Variants in CRISPLD1 observed in about 807,000 individuals in gnomAD.
CRISPLD1 encodes cysteine-rich secretory protein LCCL domain-containing 1.
Under a neutral mutation model 77.5 loss-of-function variants are expected in CRISPLD1, and 60 were observed. The observed-to-expected ratio is 0.77, with a 90% CI of 0.63 to 0.96. The LOEUF is 0.96. Ranked by LOEUF, CRISPLD1 falls within the 40% of genes least tolerant of loss-of-function variation. CRISPLD1 has a pLI of 0.00. For missense variants in CRISPLD1, 623 were observed against 615.8 expected (o/e 1.01, Z -0.12); for synonymous variants, 195 against 200.1 (o/e 0.97, Z 0.22).
chr8:75,030,642 C>T (rs1298275763), intron 14 of CRISPLD1, among the ~76,000 whole-genome samples: 5 of 151,468 alleles, frequency 3.3e-5, no homozygotes, highest in East Asian at 1.9e-4. Context: ...AGCTCAGCTT[C>T]GACAGCCCTG....
intron 6 of CRISPLD1, among the ~76,000 whole-genome samples, chr8:75,015,383 G>C (rs1472734733): frequency 6.6e-6 from 1 of 151,974 alleles, no homozygotes; most frequent in East Asian, 1.9e-4. Flanking sequence ...TATTCAATTT[G>C]TCATGCTAAA....
chr8:75,018,483 G>T (rs2128786636), intron 10 of CRISPLD1, among the ~76,000 whole-genome samples: 1 of 151,926 alleles, frequency 6.6e-6, no homozygotes, highest in East Asian at 1.9e-4. Flanking sequence ...TAGAGACGAG[G>T]TTTCACCATG....
intron 2 of CRISPLD1, among the ~76,000 whole-genome samples, chr8:74,989,927 A>G (rs1452202056): frequency 6.6e-6 from 1 of 152,186 alleles, no homozygotes; most frequent in African/African-American, 2.4e-5. Flanking sequence ...CTCAGCCATA[A>G]AAAAGAATGA....
rs759989653 is a variant in CRISPLD1 at position 75,014,847 on chromosome 8, G to T, written c.662G>T (p.Gly221Val). Residue 221 changes from glycine to valine, a missense_variant, in exon 6 of 15, where the codon GGG becomes GTG. Physicochemically the swap from Gly to Val is moderately radical, Grantham distance 109. Coordinates refer to ENST00000262207, the MANE Select transcript of CRISPLD1 (RefSeq NM_031461.6). ...TGGGGCCATGCCCCTTACAAACATG[G>T]GCGGCCCTGTTCTGCTTGCCCACCT... is the stretch of plus-strand genomic sequence containing the variant. ...NWWGHAPYKH[G>V]RPCSACPPSF... 6.3e-7 allele frequency: 1 copy of T among 1,589,492 alleles called. No individual in the cohort carries two copies. The highest frequency in any genetic ancestry group is 1.1e-5 in the South Asian group (1 of 87,622).
rs368258595 is a variant in CRISPLD1 at position 74,998,685 on chromosome 8, C to CAAAAAAAA, written c.258+12456_258+12463dup. Among the ~76,000 whole-genome samples the CAAAAAAAA allele has an allele frequency of 8.3e-4, 42 of 50,892 alleles. 1 individual carries two copies. Among genetic ancestry groups the CAAAAAAAA allele is most frequent in the Non-Finnish European group, 1.1e-3 (30 of 26,792 alleles). The allele number at this position is 50,892 out of a possible 152,430, so 33.4% of individuals were successfully genotyped here. On this transcript the variant is annotated intron_variant, in intron 2 of 14. Coordinates refer to ENST00000262207, the MANE Select transcript of CRISPLD1 (RefSeq NM_031461.6). ...CCTGGGCAACAGAGAGACTCCATCT[C>CAAAAAAAA]AAAAAAAAAAAAAAAAAAAAAAAGT...
chr8:75,013,201 CAAA>C (rs909419520), intron 4 of CRISPLD1, among the ~76,000 whole-genome samples, 179 bp downstream of exon 4: 6 of 151,892 alleles, frequency 4.0e-5, no homozygotes, highest in Non-Finnish European at 7.4e-5. Flanking sequence ...AATTATCACA[CAAA>C]AAAGTCCAAA....
At chr8:75,021,982 G>T (rs1813143696) in intron 12 of CRISPLD1, among the ~76,000 whole-genome samples, 1 of 152,120 alleles carries the variant, frequency 6.6e-6, no homozygotes, top group African/African-American at 2.4e-5. Flanking sequence ...CTCACTAGTA[G>T]ATGCTCAATA....
rs1230607070 is a variant in CRISPLD1, at chr8:74,984,560, G to A, written c.-423G>A. 6.6e-6 allele frequency: 1 copy of A among 152,424 alleles called. No individual in the cohort carries two copies. Among genetic ancestry groups the A allele is most frequent in the Non-Finnish European group, 1.5e-5 (1 of 68,292 alleles). The allele number at this position is 152,424 out of a possible 1,614,324, so 9.4% of individuals were successfully genotyped here. A position where few individuals can be genotyped will look rare whatever the true frequency, so the allele number is the denominator to read the frequency against. On this transcript the variant is annotated 5_prime_UTR_variant, in exon 1 of 15. Coordinates refer to ENST00000262207, the MANE Select transcript of CRISPLD1 (RefSeq NM_031461.6). ...CTGGCTGTACGGAGCAGGAGCAAGA[G>A]GTCGCCGCCAGCCTCCGCCGCCGAG...
rs1396922250 is a variant in CRISPLD1, at chr8:75,032,332, A to T, written c.*90A>T. On this transcript the variant is annotated 3_prime_UTR_variant, in exon 15 of 15. Coordinates refer to ENST00000262207, the MANE Select transcript of CRISPLD1 (RefSeq NM_031461.6). ...AAACTGTAACATTACTGTACAGAGT[A>T]CATCAACTATTTTCAGCCCAAAAAG... The T allele has an allele frequency of 1.4e-5, 13 of 912,914 alleles. No individual in the cohort carries two copies. In the South Asian group the frequency reaches 1.9e-4, roughly 14 times the overall value. The allele number at this position is 912,914 out of a possible 1,614,324, so 56.6% of individuals were successfully genotyped here.
chr8:75,015,039 A>C, intron 6 of CRISPLD1, 127 bp downstream of exon 6: 1 of 466,680 alleles, frequency 2.1e-6, no homozygotes. Flanking sequence ...ACTCTATTTC[A>C]AATATTTTGA....
At chr8:75,032,104 G>A (rs1030924568) in intron 14 of CRISPLD1, 87 bp from the exon 15 acceptor site, 96 of 882,378 alleles carry the variant, frequency 1.1e-4, no homozygotes, top group Non-Finnish European at 1.6e-4. Context: ...CTGCTTTCTT[G>A]ACTGTCATAA....
chr8:75,020,970 T>G (rs1237127518), intron 12 of CRISPLD1, among the ~76,000 whole-genome samples: 1 of 152,156 alleles, frequency 6.6e-6, no homozygotes, highest in Non-Finnish European at 1.5e-5. Flanking sequence ...CCATAATCAG[T>G]AGCTAGGAAA....
intron 2 of CRISPLD1, among the ~76,000 whole-genome samples, chr8:74,998,427 CG>C (rs1812678540): frequency 6.6e-6 from 1 of 152,026 alleles, no homozygotes; most frequent in African/African-American, 2.4e-5. Flanking sequence ...GCTCATACCA[CG>C]GCCGGTAATA....
intron 10 of CRISPLD1, among the ~76,000 whole-genome samples, chr8:75,017,997 AACACTGT>A (rs1563400573): frequency 6.6e-6 from 1 of 152,160 alleles, no homozygotes; most frequent in Non-Finnish European, 1.5e-5. Context: ...CTTATTCGAA[AACACTGT>A]ACATTTTTAC....
chr8:75,025,765 A>G (rs1329917774), intron 13 of CRISPLD1, 144 bp downstream of exon 13: 11 of 372,390 alleles, frequency 3.0e-5, no homozygotes, highest in South Asian at 7.5e-5. Context: ...TTAAACATCC[A>G]TATCACTGAA....
intron 2 of CRISPLD1, among the ~76,000 whole-genome samples, chr8:74,986,810 C>T (rs991845695): frequency 3.9e-5 from 6 of 152,080 alleles, no homozygotes; most frequent in African/African-American, 1.2e-4. Flanking sequence ...TGAAAATAAG[C>T]CTTGGCAAAG....
chr8:75,020,063 G>GCTTC lies in CRISPLD1; in HGVS notation c.1229_1232dup (p.His412PhefsTer11). On this transcript the variant is annotated frameshift_variant, in exon 12 of 15. Coordinates refer to ENST00000262207, the MANE Select transcript of CRISPLD1 (RefSeq NM_031461.6). LOFTEE classifies it high-confidence loss of function. Reference sequence around the variant, plus strand: ...ACAGCTCTGTCCATTTCATAAGCCTGCTTCACATTGCCCAAGGTAAACCAG... The same window carrying GCTTC: ...ACAGCTCTGTCCATTTCATAAGCCTGCTTCCTTCACATTGCCCAAGGTAAACCAG... 6.2e-7 allele frequency: 1 copy of GCTTC among 1,614,028 alleles called. No individual in the cohort carries two copies. The highest frequency in any genetic ancestry group is 8.5e-7 in the Non-Finnish European group (1 of 1,179,920).
At chr8:75,029,231 C>A in intron 13 of CRISPLD1, 156 bp from the exon 14 acceptor site, 1 of 762,624 alleles carries the variant, frequency 1.3e-6, no homozygotes, top group Non-Finnish European at 2.0e-6. Context: ...ACGTTTCAAA[C>A]ACTCTTTTAT....
intron 2 of CRISPLD1, among the ~76,000 whole-genome samples, chr8:75,005,166 A>G (rs1248677409): frequency 2.6e-5 from 4 of 152,046 alleles, no homozygotes; most frequent in African/African-American, 9.7e-5. Flanking sequence ...TGTCATTTTA[A>G]TTGTCATCAG....
Sources: gnomAD v4.1 joint callset for allele counts (sites outside exome capture counted in the v4.1 genomes callset) on GRCh38, gnomAD v4.1.1 for gene constraint, MANE v1.5 for transcripts, NCBI Gene and HGNC (gene_info 2026-07-23, HGNC 2026-07-21) for gene names.